B3GLCT: variants seen among roughly 807,000 people sequenced by gnomAD.
B3GLCT encodes the protein beta 3-glucosyltransferase, also known as beta-1,3-glucosyltransferase.
Under a neutral mutation model 63.4 loss-of-function variants are expected in B3GLCT, and 65 were observed. The observed-to-expected ratio is 1.03, with a 90% CI of 0.84 to 1.26. The LOEUF is 1.26. Ranked by LOEUF, B3GLCT falls within the 50% of genes most tolerant of loss-of-function variation. B3GLCT has a pLI of 0.00. For synonymous variants in B3GLCT, 233 were observed against 219.2 expected, an observed-to-expected ratio of 1.06 and a Z score of -0.55; for missense variants, 577 against 604.8, an observed-to-expected ratio of 0.95 and a Z score of 0.48.
chr13:31,222,341 G>T (rs9599278), intron 2 of B3GLCT, among the ~76,000 whole-genome samples: 13,554 of 151,930 alleles, frequency 0.089, 1,529 homozygotes, highest in East Asian at 0.45. Flanking sequence ...CTCCCAAAGT[G>T]CTGGGGTTAC....
intron 4 of B3GLCT, among the ~76,000 whole-genome samples, chr13:31,232,281 A>G (rs1425935343): frequency 2.6e-5 from 4 of 152,222 alleles, no homozygotes; most frequent in Non-Finnish European, 5.9e-5. Context: ...ATTTATAAAG[A>G]AAAGAAGTTT....
chr13:31,269,238 A>T lies in B3GLCT; in HGVS notation c.621A>T (p.Glu207Asp). The T allele has an allele frequency of 4.3e-6, 7 of 1,610,486 alleles. No homozygotes were observed. Among genetic ancestry groups the T allele is most frequent in the Non-Finnish European group, 5.1e-6 (6 of 1,176,928 alleles). ...GGCTTACCAAGAGACTAAAGAGTGA[A>T]TCCTTGAAATCCGACTTTACAATAG... ...VNKLTKRLKS[E>D]SLKSDFTIDL... is the part of the protein sequence containing the mutation. The change falls in exon 8 of 15, where the codon GAA (glutamate) becomes GAT (aspartate). Residue 207 changes from glutamate to aspartate, a missense_variant. Transcript: ENST00000343307.
At chr13:31,212,578 T>A (rs1593247377) in intron 1 of B3GLCT, among the ~76,000 whole-genome samples, 1 of 152,056 alleles carries the variant, frequency 6.6e-6, no homozygotes, top group East Asian at 1.9e-4. Flanking sequence ...CGGCCGCATG[T>A]CTGGCTAATT....
At chr13:31,283,124 C>G (rs1593295582) in intron 10 of B3GLCT, 1 of 152,330 alleles carries the variant, frequency 6.6e-6, no homozygotes. Context: ...CGAAAAAGGA[C>G]TGAAAGCCTA....
chr13:31,330,174 C>A lies in B3GLCT; in HGVS notation c.*506C>A. 5.7e-6 allele frequency: 1 copy of A among 175,970 alleles called. No homozygotes were observed. The highest frequency in any genetic ancestry group is 1.3e-4 in the South Asian group (1 of 7,516). 10.9% of individuals were successfully genotyped at this position (175,970 alleles called of 1,614,324 possible). On this transcript the variant is annotated 3_prime_UTR_variant, in exon 15 of 15. Transcript: ENST00000343307. ...TGATGAAAATTATTTCCTGGGAACT[C>A]AGTAGGAATAATACCGTATTAAGGA...
At chr13:31,296,953 A>G (rs1232546494) in intron 12 of B3GLCT, among the ~76,000 whole-genome samples, 3 of 151,840 alleles carry the variant, frequency 2.0e-5, no homozygotes, top group South Asian at 2.1e-4. Context: ...CCTGGCAACC[A>G]TCATTCTATT....
At chr13:31,320,241 G>A (rs1373057632) in intron 13 of B3GLCT, among the ~76,000 whole-genome samples, 1 of 152,056 alleles carries the variant, frequency 6.6e-6, no homozygotes, top group Non-Finnish European at 1.5e-5. Flanking sequence ...TTCTACTTTT[G>A]ACATCTAAGA....
intron 2 of B3GLCT, among the ~76,000 whole-genome samples, chr13:31,220,590 T>G (rs1869764515): frequency 2.0e-5 from 3 of 152,236 alleles, no homozygotes; most frequent in South Asian, 4.1e-4. Flanking sequence ...TTCTGTTAAT[T>G]TAGTCTAATT....
chr13:31,325,378 A>G (rs1228047839), intron 14 of B3GLCT, among the ~76,000 whole-genome samples: 1 of 152,210 alleles, frequency 6.6e-6, no homozygotes, highest in Non-Finnish European at 1.5e-5. Context: ...TCAGTCACGC[A>G]ATAAAAGGGG....
At chr13:31,310,545 C>A (rs139168877) in intron 12 of B3GLCT, among the ~76,000 whole-genome samples, 1 of 152,320 alleles carries the variant, frequency 6.6e-6, no homozygotes, top group African/African-American at 2.4e-5. Flanking sequence ...AATCCTCCCA[C>A]CCTTTGCTGG....
intron 12 of B3GLCT, among the ~76,000 whole-genome samples, chr13:31,290,474 C>T (rs1220900880): frequency 1.3e-5 from 2 of 152,202 alleles, no homozygotes; most frequent in African/African-American, 2.4e-5. Context: ...ATTTACACTC[C>T]CACCAGCAGT....
intron 12 of B3GLCT, among the ~76,000 whole-genome samples, chr13:31,299,007 G>T (rs747816005): frequency 1.3e-5 from 2 of 152,166 alleles, no homozygotes; most frequent in African/African-American, 2.4e-5. Context: ...GGAAAGAAAA[G>T]GTTTTAGTGA....
chr13:31,319,080 C>T (rs1460976736), intron 13 of B3GLCT, among the ~76,000 whole-genome samples: 1 of 152,156 alleles, frequency 6.6e-6, no homozygotes, highest in Non-Finnish European at 1.5e-5. Flanking sequence ...AGGGAATGCA[C>T]AGATGAAAGC....
intron 1 of B3GLCT, among the ~76,000 whole-genome samples, chr13:31,203,399 C>T (rs1171772711): frequency 1.3e-5 from 2 of 152,132 alleles, no homozygotes; most frequent in African/African-American, 2.4e-5. Context: ...TGCCAGTAGC[C>T]AACAGCTAAG....
At position 31,274,557 on chromosome 13, in the gene B3GLCT, G is replaced by T. The variant is rs750266359; in HGVS notation, c.709G>T (p.Val237Leu). The change falls in exon 9 of 15, where the codon GTG becomes TTG. Residue 237 changes from valine to leucine, a missense_variant. Physicochemically the swap from Val to Leu is conservative, Grantham distance 32. Transcript: ENST00000343307. The stretch of plus-strand genomic sequence containing the variant: ...AGGCGGAGGACCTCCCCTGACCCCA[G>T]TGCCTGAGTTTTGTACCAATGACGT... ...DKGGGPPLTP[V>L]PEFCTNDVDF... The T allele has an allele frequency of 3.1e-6, 5 of 1,614,170 alleles. No homozygotes were observed. Among genetic ancestry groups the T allele is most frequent in the Non-Finnish European group, 4.2e-6 (5 of 1,180,022 alleles).
chr13:31,201,885 A>G (rs1868688101), intron 1 of B3GLCT, among the ~76,000 whole-genome samples: 1 of 152,222 alleles, frequency 6.6e-6, no homozygotes, highest in African/African-American at 2.4e-5. Flanking sequence ...CACAATAAAT[A>G]AGACATAAAA....
At chr13:31,319,404 T>C (rs1875216937) in intron 13 of B3GLCT, among the ~76,000 whole-genome samples, 1 of 152,184 alleles carries the variant, frequency 6.6e-6, no homozygotes. Context: ...ACTCCCAGCC[T>C]CCTAAACTAC....
At chr13:31,208,225 A>C (rs536682637) in intron 1 of B3GLCT, among the ~76,000 whole-genome samples, 1 of 152,058 alleles carries the variant, frequency 6.6e-6, no homozygotes, top group Admixed American at 6.5e-5. Context: ...TTAAGGAGAG[A>C]GTTCTTTGAA....
At chr13:31,253,595 CAAAAAAAA>C (rs35512327) in intron 6 of B3GLCT, among the ~76,000 whole-genome samples, 1 of 18,416 alleles carries the variant, frequency 5.4e-5, no homozygotes, top group African/African-American at 3.2e-4. Flanking sequence ...GACTCCATCT[CAAAAAAAA>C]AAAAAAAAAA....
Sources: allele counts gnomAD v4.1 joint callset (sites outside exome capture counted in the v4.1 genomes callset), GRCh38; gene constraint gnomAD v4.1.1; transcripts MANE v1.5; gene names NCBI Gene and HGNC (gene_info 2026-07-23, HGNC 2026-07-21).